The following USP49 variants were observed in gnomAD, a reference collection of about 807,000 sequenced individuals.
USP49 encodes ubiquitin specific peptidase 49, also known as ubiquitin carboxyl-terminal hydrolase 49.
A neutral mutation model predicts 58.6 loss-of-function variants in USP49; 24 were observed. That is an observed-to-expected ratio of 0.41 (90% CI 0.30 to 0.58). The LOEUF (loss-of-function observed/expected upper bound fraction) is 0.58, where lower values mean the gene tolerates loss of function less well. USP49 is among the 20% of genes least tolerant of loss of function. The pLI, the probability that USP49 is intolerant of heterozygous loss-of-function variation, is 0.30. For missense variants in USP49, 703 were observed against 866.1 expected (o/e 0.81, Z 2.36); for synonymous variants, 408 against 365.1 (o/e 1.12, Z -1.34).
chr6:41,810,088 C>T (rs1330275754), intron 3 of USP49, among the ~76,000 whole-genome samples: 1 of 151,042 alleles, frequency 6.6e-6, no homozygotes, highest in East Asian at 1.9e-4. Flanking sequence ...GGAGGCGGAG[C>T]TTGCAGTGAG....
chr6:41,817,029 A>C (rs564512638), intron 3 of USP49, among the ~76,000 whole-genome samples: 1 of 151,054 alleles, frequency 6.6e-6, no homozygotes, highest in South Asian at 2.1e-4. Context: ...TTTTAGAGAC[A>C]GAATCTCGCT....
At chr6:41,802,865 AGAC>A (rs1177732560) in intron 5 of USP49, among the ~76,000 whole-genome samples, 2 of 152,182 alleles carry the variant, frequency 1.3e-5, no homozygotes, top group Admixed American at 1.3e-4. Flanking sequence ...TTAAAATTAC[AGAC>A]AACACAGAAA....
intron 3 of USP49, among the ~76,000 whole-genome samples, chr6:41,863,748 A>G (rs1774262775): frequency 1.3e-5 from 2 of 152,204 alleles, no homozygotes; most frequent in African/African-American, 4.8e-5. Context: ...ACATTAATGC[A>G]AATGAATTTT....
chr6:41,883,159 C>T (rs2127363970), intron 2 of USP49, among the ~76,000 whole-genome samples: 1 of 152,002 alleles, frequency 6.6e-6, no homozygotes, highest in African/African-American at 2.4e-5. Flanking sequence ...ATTAAACAGC[C>T]TAGCCAACAT....
intron 3 of USP49, among the ~76,000 whole-genome samples, chr6:41,829,827 C>A (rs185649062): frequency 1.7e-3 from 263 of 152,190 alleles, no homozygotes; most frequent in African/African-American, 6.1e-3. Context: ...TTTTGGTTAA[C>A]TTTAGGTTAA....
intron 3 of USP49, among the ~76,000 whole-genome samples, chr6:41,808,655 C>G (rs1416182622): frequency 6.6e-6 from 1 of 152,244 alleles, no homozygotes; most frequent in South Asian, 2.1e-4. Flanking sequence ...CGTGATCCGC[C>G]CACCTCAGCC....
chr6:41,802,793 A>G (rs1459785027), intron 5 of USP49, among the ~76,000 whole-genome samples: 1 of 152,144 alleles, frequency 6.6e-6, no homozygotes, highest in East Asian at 1.9e-4. Flanking sequence ...ATTAAGTGTT[A>G]GTGTGGCAAG....
At position 41,798,800 on chromosome 6, in the gene USP49, G is replaced by C; in HGVS notation, c.1800C>G (p.Leu600=). Reference sequence around the variant, plus strand: ...TCCCGTGATGCATGACCACTGCGGAGAGATCATAGGCAAAGGTCTCTTTGT... The same window carrying C: ...TCCCGTGATGCATGACCACTGCGGACAGATCATAGGCAAAGGTCTCTTTGT... ...SLDKETFAYD[L]SAVVMHHGKG... is the part of the protein sequence containing the mutation. Residue 600 remains leucine (L), a synonymous_variant, in exon 7 of 8, where the codon CTC becomes CTG. Coordinates refer to ENST00000682992, the MANE Select transcript of USP49 (RefSeq NM_001286554.2). 6.2e-7 allele frequency: 1 copy of C among 1,614,002 alleles called. No homozygotes were observed. The highest frequency in any genetic ancestry group is 1.1e-5 in the South Asian group (1 of 91,070).
intron 1 of USP49, among the ~76,000 whole-genome samples, chr6:41,894,729 C>G (rs908161337): frequency 1.3e-5 from 2 of 152,028 alleles, no homozygotes; most frequent in African/African-American, 4.8e-5. Flanking sequence ...GCTCTTACAC[C>G]TAACCCCAGG....
chr6:41,806,428 G>A lies in USP49; in HGVS notation c.556C>T (p.Arg186Trp). 2 of 1,580,896 alleles carry A rather than the reference G, an allele frequency of 1.3e-6. No individual in the cohort carries two copies. The highest frequency in any genetic ancestry group is 1.7e-6 in the Non-Finnish European group (2 of 1,171,948). The change falls in exon 4 of 8, where the codon CGG (arginine) becomes TGG (tryptophan). Residue 186 changes from arginine to tryptophan, a missense_variant. Coordinates refer to ENST00000682992, the MANE Select transcript of USP49 (RefSeq NM_001286554.2). This position sits in a 1 kb window ranked among gnomAD's most constrained non-coding sequence, Gnocchi z 5.9. ...EALERKKEEA[R>W]RRRREVKRRL... ...CGTTTCACCTCGCGCCGCCGCCTCC[G>A]CGCCTCCTCCTTCTTGCGCTCCAGG...
intron 3 of USP49, among the ~76,000 whole-genome samples, chr6:41,831,673 C>T (rs1773638182): frequency 6.6e-6 from 1 of 151,916 alleles, no homozygotes; most frequent in Non-Finnish European, 1.5e-5. Flanking sequence ...TAAATCCATA[C>T]TGCACATTAA....
At chr6:41,866,174 C>T (rs1358943066) in intron 3 of USP49, among the ~76,000 whole-genome samples, 1 of 151,774 alleles carries the variant, frequency 6.6e-6, no homozygotes, top group Non-Finnish European at 1.5e-5. Context: ...CCCACCTCGG[C>T]CTCCCAAAGT....
At chr6:41,877,544 G>A (rs1052841322) in intron 2 of USP49, among the ~76,000 whole-genome samples, 3 of 150,240 alleles carry the variant, frequency 2.0e-5, no homozygotes, top group African/African-American at 7.4e-5. Context: ...CTGGTCTAAT[G>A]AATCACTCAT....
rs1042165812 is a variant in USP49, at chr6:41,790,437, A to G, written c.*6096T>C. ...GAGTATGTACGGAACTGGCATGTATAGACTTATATAGCCATAGAAAGAGGT... is the reference window on the plus strand; with the variant it reads ...GAGTATGTACGGAACTGGCATGTATGGACTTATATAGCCATAGAAAGAGGT... On this transcript the variant is annotated 3_prime_UTR_variant, in exon 8 of 8. Coordinates refer to ENST00000682992, the MANE Select transcript of USP49 (RefSeq NM_001286554.2). 2.3e-4 allele frequency: 35 copies of G among 152,212 alleles called. No individual in the cohort carries two copies. Among genetic ancestry groups the G allele is most frequent in the African/African-American group, 7.0e-4 (29 of 41,450 alleles). The allele number at this position is 152,212 out of a possible 1,614,324, so 9.4% of individuals were successfully genotyped here.
At chr6:41,852,694 G>A (rs2127351046) in intron 3 of USP49, among the ~76,000 whole-genome samples, 1 of 152,182 alleles carries the variant, frequency 6.6e-6, no homozygotes, top group East Asian at 1.9e-4. Context: ...CAAAATCCCA[G>A]CAGCAATTTT....
At position 41,806,682 on chromosome 6, in the gene USP49, G is replaced by A. The variant is rs777066313; in HGVS notation, c.302C>T (p.Ala101Val). Residue 101 changes from alanine (A) to valine (V), a missense_variant, in exon 4 of 8, where the codon GCG (alanine) becomes GTG (valine). By Grantham distance (64) the Ala-to-Val change is moderately conservative. Transcript: ENST00000682992. The surrounding 1 kb of genome is among the most constrained non-coding windows in gnomAD (Gnocchi z 5.9). ...CGTGTCCTGTTTCTGGCCCCGGACC[G>A]CCAGGAGGGAGCTTCTTAGCAGCTT... ...DLKLLRSSLLAVRGQKQDTPV... is the reference protein window; with the variant it reads ...DLKLLRSSLLVVRGQKQDTPV... The A allele has an allele frequency of 1.2e-5, 20 of 1,614,062 alleles. No individual in the cohort carries two copies. The highest frequency in any genetic ancestry group is 1.6e-5 in the Non-Finnish European group (19 of 1,180,042).
intron 3 of USP49, among the ~76,000 whole-genome samples, chr6:41,865,652 T>C (rs970076285): frequency 1.3e-5 from 2 of 151,920 alleles, no homozygotes; most frequent in African/African-American, 2.4e-5. Flanking sequence ...GTTTTTTTGT[T>C]TTAAGAGACA....
intron 3 of USP49, among the ~76,000 whole-genome samples, chr6:41,807,233 A>G (rs1773157080): frequency 6.6e-6 from 1 of 152,068 alleles, no homozygotes; most frequent in Admixed American, 6.6e-5. Context: ...AAAAAGGAAG[A>G]CTCTTACGGA....
At chr6:41,842,804 C>A (rs1163328795) in intron 3 of USP49, among the ~76,000 whole-genome samples, 1 of 151,178 alleles carries the variant, frequency 6.6e-6, no homozygotes, top group Non-Finnish European at 1.5e-5. Flanking sequence ...TGTGTTTTTT[C>A]TTAAGTTTTT....
Sources: allele counts gnomAD v4.1 joint callset (sites outside exome capture counted in the v4.1 genomes callset), GRCh38; gene constraint gnomAD v4.1.1; non-coding constraint Gnocchi (gnomAD v3.1); transcripts MANE v1.5; gene names NCBI Gene and HGNC (gene_info 2026-07-23, HGNC 2026-07-21).